The following CABLES1 variants were observed in gnomAD, a reference collection of about 807,000 sequenced individuals.
CABLES1 encodes the protein Cdk5 and Abl enzyme substrate 1, also known as CDK5 and ABL1 enzyme substrate 1.
Under a neutral mutation model 57.8 loss-of-function variants are expected in CABLES1, and 36 were observed. The ratio of observed to expected loss-of-function variants is 0.62; its 90% CI spans 0.48 to 0.82. The LOEUF is 0.82. Among genes scored for constraint, CABLES1 ranks in the 40% least tolerant of loss-of-function variants. CABLES1 has a pLI of 0.00. For missense variants in CABLES1, 767 were observed against 836.6 expected (o/e 0.92, Z 1.03); for synonymous variants, 374 against 363.0 (o/e 1.03, Z -0.35).
Position 23,236,068 on chromosome 18 carries a change from T to C in CABLES1, c.1342+17T>C. On this transcript the variant is annotated intron_variant, in intron 6 of 9. Coordinates refer to ENST00000256925, the MANE Select transcript of CABLES1 (RefSeq NM_001100619.3). ...TCGACACAGGTAACCTTGGCCTGGC[T>C]GGGTCTGGTAGCTCGTGGTGGGAGG... The C allele has an allele frequency of 1.2e-6, 2 of 1,613,044 alleles. No individual in the cohort carries two copies. The highest frequency in any genetic ancestry group is 1.7e-6 in the Non-Finnish European group (2 of 1,179,650).
Position 23,257,495 on chromosome 18 carries a change from G to GGA in CABLES1, c.*131_*132dup. On this transcript the variant is annotated 3_prime_UTR_variant, in exon 10 of 10. Coordinates refer to ENST00000256925, the MANE Select transcript of CABLES1 (RefSeq NM_001100619.3). ...TTTTCTTCCTCTCGACATAGTTTGG[G>GGA]GAGAAGCAGTACTAGAAACTTTCCA... 9.1e-7 allele frequency: 1 copy of GGA among 1,095,790 alleles called. No individual in the cohort carries two copies. Among genetic ancestry groups the GGA allele is most frequent in the Non-Finnish European group, 1.3e-6 (1 of 795,294 alleles). The allele number at this position is 1,095,790 out of a possible 1,614,324, so 67.9% of individuals were successfully genotyped here. A position where few individuals can be genotyped will look rare whatever the true frequency, so the allele number is the denominator to read the frequency against.
intron 3 of CABLES1, among the ~76,000 whole-genome samples, chr18:23,200,508 C>T (rs528325496): frequency 5.3e-4 from 80 of 152,140 alleles, no homozygotes; most frequent in Non-Finnish European, 6.6e-4. Context: ...GTGATCCGCC[C>T]GCCTTGGCCT....
At chr18:23,227,103 G>A (rs1198636923) in intron 4 of CABLES1, 1 of 151,990 alleles carries the variant, frequency 6.6e-6, no homozygotes, top group Non-Finnish European at 1.5e-5. Flanking sequence ...CTTAACTTTT[G>A]GCATTGGGGG....
At chr18:23,177,085 C>T (rs2047128675) in intron 1 of CABLES1, among the ~76,000 whole-genome samples, 1 of 152,120 alleles carries the variant, frequency 6.6e-6, no homozygotes, top group African/African-American at 2.4e-5. Flanking sequence ...CAGAGCTAGG[C>T]ACAGAGGGTC....
chr18:23,245,139 G>C (rs1337546762), intron 7 of CABLES1, among the ~76,000 whole-genome samples: 1 of 152,170 alleles, frequency 6.6e-6, no homozygotes, highest in Non-Finnish European at 1.5e-5. Context: ...CCGTGGGCCA[G>C]GATGGGGCCC....
chr18:23,165,958 A>G (rs1253876879), intron 1 of CABLES1, among the ~76,000 whole-genome samples: 2 of 152,210 alleles, frequency 1.3e-5, no homozygotes, highest in Non-Finnish European at 2.9e-5. Context: ...GGACACTCCC[A>G]TTTCAAGGGA....
chr18:23,217,469 G>A (rs1433360398), intron 4 of CABLES1, among the ~76,000 whole-genome samples: 1 of 152,164 alleles, frequency 6.6e-6, no homozygotes, highest in African/African-American at 2.4e-5. Flanking sequence ...CTGCAGCACA[G>A]TCTACCTCTG....
intron 2 of CABLES1, chr18:23,189,182 G>A: frequency 2.6e-6 from 1 of 381,412 alleles, no homozygotes; most frequent in Admixed American, 4.3e-5. Context: ...GTAAACTGCT[G>A]CTTAATGGAA....
intron 4 of CABLES1, among the ~76,000 whole-genome samples, chr18:23,231,682 C>T: frequency 6.6e-6 from 1 of 152,118 alleles, no homozygotes; most frequent in South Asian, 2.1e-4. Flanking sequence ...CACTGGAATC[C>T]CTGTTTCTAA....
chr18:23,193,263 C>T (rs2047258442), intron 2 of CABLES1, among the ~76,000 whole-genome samples: 1 of 150,962 alleles, frequency 6.6e-6, no homozygotes, highest in Admixed American at 6.7e-5. Context: ...ACGATCTTGG[C>T]TCATTGCAAC....
intron 1 of CABLES1, among the ~76,000 whole-genome samples, chr18:23,158,314 T>C (rs1049511452): frequency 2.6e-5 from 4 of 151,962 alleles, no homozygotes; most frequent in Non-Finnish European, 4.4e-5. Context: ...AAAATGATAA[T>C]AACACCAAAC....
In CABLES1 at chr18:23,224,638, G is replaced by A. The variant is rs988557797; in HGVS notation, c.1089-9970G>A. ...GGCTGGAGTGCACTGGCGGGGTCTCGGCTCACTGCAAGCTCCGCCTCCTGG... is the reference window on the plus strand; with the variant it reads ...GGCTGGAGTGCACTGGCGGGGTCTCAGCTCACTGCAAGCTCCGCCTCCTGG... On this transcript the variant is annotated intron_variant, in intron 4 of 9. Transcript: ENST00000256925. 5.0e-4 allele frequency among the ~76,000 whole-genome samples: 69 copies of A among 138,110 alleles called. 1 individual carries two copies. Among genetic ancestry groups the A allele is most frequent in the African/African-American group, 1.9e-3 (68 of 36,664 alleles). The allele number at this position is 138,110 out of a possible 152,430, so 90.6% of individuals were successfully genotyped here.
intron 1 of CABLES1, among the ~76,000 whole-genome samples, chr18:23,166,662 G>T (rs776552512): frequency 2.6e-5 from 4 of 152,166 alleles, no homozygotes; most frequent in Non-Finnish European, 4.4e-5. Context: ...GCACACACAG[G>T]TGGGTTAGGT....
intron 7 of CABLES1, among the ~76,000 whole-genome samples, chr18:23,237,982 C>G (rs1397515074): frequency 6.6e-6 from 1 of 151,966 alleles, no homozygotes; most frequent in African/African-American, 2.4e-5. Context: ...GCCTGCCATG[C>G]ACAGCATCAG....
intron 5 of CABLES1, among the ~76,000 whole-genome samples, chr18:23,235,520 G>A (rs567312772): frequency 6.6e-6 from 1 of 152,324 alleles, no homozygotes; most frequent in Admixed American, 6.5e-5. Flanking sequence ...GGGACTCTTG[G>A]GGCCTGAAGT....
chr18:23,255,875 C>T (rs1447446352), intron 9 of CABLES1, among the ~76,000 whole-genome samples: 1 of 152,024 alleles, frequency 6.6e-6, no homozygotes, highest in Non-Finnish European at 1.5e-5. Context: ...ATTAATGAAT[C>T]TTTTGATGTA....
intron 4 of CABLES1, 189 bp downstream of exon 4, chr18:23,214,243 G>A (rs2047425647): frequency 1.5e-5 from 8 of 548,462 alleles, no homozygotes; most frequent in Non-Finnish European, 2.6e-5. Context: ...CTCGTTGTGT[G>A]TGTGCGTGTG....
At chr18:23,254,130 C>G (rs962939192) in intron 9 of CABLES1, among the ~76,000 whole-genome samples, 194 bp downstream of exon 9, 1 of 152,218 alleles carries the variant, frequency 6.6e-6, no homozygotes, top group Non-Finnish European at 1.5e-5. Context: ...TCTACTTTGA[C>G]AAGACCAAAG....
intron 1 of CABLES1, among the ~76,000 whole-genome samples, chr18:23,150,249 C>T (rs1438477804): frequency 6.8e-5 from 9 of 131,698 alleles, no homozygotes; most frequent in African/African-American, 2.2e-4. Context: ...TGCTCTGTCA[C>T]CCTGGCTGGA....
Sources: allele counts gnomAD v4.1 joint callset (sites outside exome capture counted in the v4.1 genomes callset), GRCh38; gene constraint gnomAD v4.1.1; transcripts MANE v1.5; gene names NCBI Gene and HGNC (gene_info 2026-07-23, HGNC 2026-07-21).